Variants in HECTD4 observed in about 807,000 individuals in gnomAD.
The protein encoded by HECTD4 is HECT domain E3 ubiquitin protein ligase 4.
A neutral mutation model predicts 471.5 loss-of-function variants in HECTD4; 114 were observed. The ratio of observed to expected loss-of-function variants is 0.24; its 90% CI spans 0.21 to 0.28. HECTD4 has a LOEUF of 0.28. HECTD4 is among the 10% of genes least tolerant of loss of function. The pLI is 1.00. For missense variants in HECTD4, 3,866 were observed against 5,651.5 expected, an observed-to-expected ratio of 0.68 and a Z score of 10.13; for synonymous variants, 2,012 against 2,256.0, an observed-to-expected ratio of 0.89 and a Z score of 3.07.
chr12:112,242,111 T>C (rs1404640900), intron 32 of HECTD4, among the ~76,000 whole-genome samples: 1 of 152,210 alleles, frequency 6.6e-6, no homozygotes, highest in African/African-American at 2.4e-5. Context: ...AGAGTTAGTA[T>C]CTATGATTAC....
At chr12:112,329,354 T>C (rs904320035) in intron 1 of HECTD4, among the ~76,000 whole-genome samples, 11 of 147,540 alleles carry the variant, frequency 7.5e-5, no homozygotes, top group Admixed American at 4.8e-4. Context: ...ATGTATTGAT[T>C]TGTTTTGGGT....
chr12:112,208,463 G>A (rs1272841894), intron 51 of HECTD4, 31 bp downstream of exon 51: 1 of 1,522,538 alleles, frequency 6.6e-7, no homozygotes, highest in East Asian at 2.3e-5. Context: ...AAATGCTGCT[G>A]AGTCCTGATC....
At chr12:112,279,932 A>G (rs2034598307) in intron 8 of HECTD4, among the ~76,000 whole-genome samples, 1 of 152,202 alleles carries the variant, frequency 6.6e-6, no homozygotes, top group South Asian at 2.1e-4. Flanking sequence ...TACTCATTAC[A>G]TCTGAGATTA....
Position 112,160,740 on chromosome 12 carries a change from T to C in HECTD4, c.*1647A>G, listed in dbSNP as rs893563673. 6.6e-6 allele frequency: 1 copy of C among 152,084 alleles called. No homozygotes were observed. Among genetic ancestry groups the C allele is most frequent in the African/African-American group, 2.4e-5 (1 of 41,404 alleles). The allele number at this position is 152,084 out of a possible 1,614,324, so 9.4% of individuals were successfully genotyped here. A position where few individuals can be genotyped will look rare whatever the true frequency, so the allele number is the denominator to read the frequency against. ...TTATGCAGAAATGAAAATAAAAGGA[T>C]CCTTATTGTCAGGAATACATCCTGG... is the stretch of plus-strand genomic sequence containing the variant. On this transcript the variant is annotated 3_prime_UTR_variant, in exon 76 of 76. Transcript: ENST00000682272.
At chr12:112,334,439 C>A (rs1452998009) in intron 1 of HECTD4, among the ~76,000 whole-genome samples, 1 of 151,408 alleles carries the variant, frequency 6.6e-6, no homozygotes. Flanking sequence ...TGCTCAACAT[C>A]ACTAATGATC....
chr12:112,239,809 T>G lies in HECTD4; in HGVS notation c.5105+72A>C, dbSNP rs921655693. ...AAGCAAAAAATCCAATTTTTAAAAT[T>G]AAAAATACTTTCACTTAATCGACTA... On this transcript the variant is annotated intron_variant, in intron 33 of 75. Transcript: ENST00000682272. The surrounding 1 kb of genome is among the most constrained non-coding windows in gnomAD (Gnocchi z 4.9). The G allele has an allele frequency of 5.0e-6, 7 of 1,412,598 alleles. No individual in the cohort carries two copies. In the African/African-American group the frequency reaches 5.7e-5, roughly 12 times the overall value. 87.5% of individuals were successfully genotyped at this position (1,412,598 alleles called of 1,614,324 possible). A position where few individuals can be genotyped will look rare whatever the true frequency, so the allele number is the denominator to read the frequency against.
At position 112,163,701 on chromosome 12, in the gene HECTD4, C is replaced by A; in HGVS notation, c.12738G>T (p.Arg4246=). 1.3e-6 allele frequency: 2 copies of A among 1,512,056 alleles called. No homozygotes were observed. The highest frequency in any genetic ancestry group is 1.3e-5 in the South Asian group (1 of 78,298). The allele number at this position is 1,512,056 out of a possible 1,614,324, so 93.7% of individuals were successfully genotyped here. The change falls in exon 74 of 76, where the codon CGG becomes CGT. Residue 4246 remains arginine (R), a synonymous_variant. Coordinates refer to ENST00000682272, the MANE Select transcript of HECTD4 (RefSeq NM_001388303.1). This position sits in a 1 kb window ranked among gnomAD's most constrained non-coding sequence, Gnocchi z 8.2. ...TCTGCAGCTCCCGCAGCCGCAGGCTCCGGATGGCTGCCGCGTAGATGTCCT... is the reference window on the plus strand; with the variant it reads ...TCTGCAGCTCCCGCAGCCGCAGGCTACGGATGGCTGCCGCGTAGATGTCCT... ...ENKDIYAAAI[R]SLRLRELQNV...
intron 44 of HECTD4, 188 bp from the exon 45 acceptor site, chr12:112,219,677 G>A (rs1040141698): frequency 1.2e-5 from 5 of 411,322 alleles, no homozygotes; most frequent in African/African-American, 8.3e-5. Flanking sequence ...CTGGCTTACT[G>A]CAACCTCTGC....
intron 1 of HECTD4, among the ~76,000 whole-genome samples, chr12:112,344,416 C>A (rs1450335789): frequency 6.6e-6 from 1 of 152,042 alleles, no homozygotes; most frequent in East Asian, 1.9e-4. Flanking sequence ...CCTGGTAAAC[C>A]GCCACACTAT....
At position 112,256,537 on chromosome 12, in the gene HECTD4, A is replaced by T; in HGVS notation, c.3129-19T>A. On this transcript the variant is annotated intron_variant, in intron 20 of 75. Coordinates refer to ENST00000682272, the MANE Select transcript of HECTD4 (RefSeq NM_001388303.1). ...TAACATTCTAAACAGAAAAAGAGAA[A>T]GTGATTTAGCTTAGCAGCCAAGGAA... 6.7e-7 allele frequency: 1 copy of T among 1,501,318 alleles called. No individual in the cohort carries two copies. Among genetic ancestry groups the T allele is most frequent in the Non-Finnish European group, 8.9e-7 (1 of 1,124,590 alleles). 93.0% of individuals were successfully genotyped at this position (1,501,318 alleles called of 1,614,324 possible).
At chr12:112,237,622 C>G (rs1423100679) in intron 34 of HECTD4, among the ~76,000 whole-genome samples, 1 of 152,218 alleles carries the variant, frequency 6.6e-6, no homozygotes, top group African/African-American at 2.4e-5. Context: ...GTCACCTTCT[C>G]TGGGAAGCTT....
At chr12:112,376,136 TAAAATA>T (rs966772290) in intron 1 of HECTD4, among the ~76,000 whole-genome samples, 1 of 152,150 alleles carries the variant, frequency 6.6e-6, no homozygotes, top group African/African-American at 2.4e-5. Context: ...AACATAAAAT[TAAAATA>T]AATACAAACG....
At position 112,262,470 on chromosome 12, in the gene HECTD4, T is replaced by C. The variant is rs562959906; in HGVS notation, c.2749-1041A>G. On this transcript the variant is annotated intron_variant, in intron 17 of 75. Transcript: ENST00000682272. Reference sequence around the variant, plus strand: ...GATGGAGGTTGCAGTGAGCCGAGATTGCACCACGGCTCTCCAGCCTGGGCG... The same window carrying C: ...GATGGAGGTTGCAGTGAGCCGAGATCGCACCACGGCTCTCCAGCCTGGGCG... 1.2e-4 allele frequency among the ~76,000 whole-genome samples: 14 copies of C among 121,088 alleles called. No individual in the cohort carries two copies. The Admixed American group carries it at 1.6e-3, about 13-fold the overall frequency. The allele number at this position is 121,088 out of a possible 152,430, so 79.4% of individuals were successfully genotyped here. A position where few individuals can be genotyped will look rare whatever the true frequency, so the allele number is the denominator to read the frequency against.
Position 112,251,147 on chromosome 12 carries a change from CA to C in HECTD4, c.3553-14del, listed in dbSNP as rs922422680. ...CCTCCGAAGACTCCTACAATGCAGA[CA>C]GGGGTAAACCACACTGGTCAGTGTA... On this transcript the variant is annotated splice_polypyrimidine_tract_variant and intron_variant, in intron 23 of 75. Transcript: ENST00000682272. 3.7e-6 allele frequency: 6 copies of C among 1,612,004 alleles called. No homozygotes were observed. In the African/African-American group the frequency reaches 5.3e-5, roughly 14 times the overall value.
At chr12:112,225,377 A>G (rs2135559928) in intron 44 of HECTD4, among the ~76,000 whole-genome samples, 1 of 152,160 alleles carries the variant, frequency 6.6e-6, no homozygotes, top group East Asian at 1.9e-4. Context: ...AAGGGATTTA[A>G]AGCCGTCCAT....
chr12:112,381,949 C>G lies in HECTD4; in HGVS notation c.177+3G>C. 1 of 1,223,638 alleles carries G rather than the reference C, an allele frequency of 8.2e-7. No homozygotes were observed. Among genetic ancestry groups the G allele is most frequent in the Non-Finnish European group, 1.0e-6 (1 of 982,700 alleles). The allele number at this position is 1,223,638 out of a possible 1,614,324, so 75.8% of individuals were successfully genotyped here. ...GGCGGGGGCCGGGGGCCGCCTCGCT[C>G]ACCTCCAGGTCGGTGTCCGCGGCCT... On this transcript the variant is annotated splice_donor_region_variant and intron_variant, in intron 1 of 75. Coordinates refer to ENST00000682272, the MANE Select transcript of HECTD4 (RefSeq NM_001388303.1). The surrounding 1 kb of genome is among the most constrained non-coding windows in gnomAD (Gnocchi z 4.1).
chr12:112,243,622 C>T lies in HECTD4; in HGVS notation c.4789G>A (p.Ala1597Thr). 1.1e-5 allele frequency: 17 copies of T among 1,610,358 alleles called. No individual in the cohort carries two copies. The highest frequency in any genetic ancestry group is 1.4e-5 in the Non-Finnish European group (17 of 1,178,036). ...GGAGCCCGCAAAATGTGACGTACAG[C>T]TTGGTCAGGGTTGGTGCCGATGAAA... ...FAFIGTNPDQ[A>T]VSSSSFLLAA... The change falls in exon 31 of 76, where the codon GCT (alanine) becomes ACT (threonine). Residue 1597 changes from alanine (A) to threonine (T), a missense_variant and splice_region_variant. Around this residue, in one of 16 missense-constraint regions of HECTD4, gnomAD observed 229 missense variants for 386.4 expected, o/e 0.59. Coordinates refer to ENST00000682272, the MANE Select transcript of HECTD4 (RefSeq NM_001388303.1). The surrounding 1 kb of genome is among the most constrained non-coding windows in gnomAD (Gnocchi z 6.6).
At chr12:112,324,100 TTCCTCTC>T (rs1253483144) in intron 1 of HECTD4, among the ~76,000 whole-genome samples, 4,033 of 90,610 alleles carry the variant, frequency 0.045, 870 homozygotes, top group East Asian at 0.18. Flanking sequence ...CTTTCTTTCT[TTCCTCTC>T]TCTCTTTCTT....
intron 7 of HECTD4, among the ~76,000 whole-genome samples, chr12:112,292,785 G>A (rs1275062173): frequency 6.6e-6 from 1 of 152,168 alleles, no homozygotes; most frequent in Non-Finnish European, 1.5e-5. Flanking sequence ...CACTTTGGGA[G>A]ACCGAGGTGG....
Sources: gnomAD v4.1 joint callset for allele counts (sites outside exome capture counted in the v4.1 genomes callset) on GRCh38, gnomAD v4.1.1 for gene constraint, gnomAD v4.1.1 regional missense constraint, Gnocchi (gnomAD v3.1) non-coding constraint, MANE v1.5 for transcripts, NCBI Gene and HGNC (gene_info 2026-07-23, HGNC 2026-07-21) for gene names.